Variants in OPRD1 observed in about 807,000 individuals in gnomAD.
OPRD1 encodes opioid receptor delta 1.
In OPRD1, 19 loss-of-function variants were observed where a neutral mutation model predicts 17.5. The observed-to-expected ratio is 1.09, with a 90% CI of 0.76 to 1.60. OPRD1 has a LOEUF of 1.60. OPRD1 is among the 40% of genes most tolerant of loss of function. The pLI is 0.00. For synonymous variants in OPRD1, 256 were observed against 240.9 expected, an observed-to-expected ratio of 1.06 and a Z score of -0.58; for missense variants, 483 against 547.2, an observed-to-expected ratio of 0.88 and a Z score of 1.17.
Position 28,852,744 on chromosome 1 carries a change from T to G in OPRD1, c.228-6210T>G, listed in dbSNP as rs1297737126. Among the ~76,000 whole-genome samples the G allele has an allele frequency of 4.0e-5, 6 of 151,854 alleles. No individual in the cohort carries two copies. In the East Asian group the frequency reaches 1.2e-3, roughly 29 times the overall value. ...TTTATTTTTTATTTTTGAGATGGAG[T>G]TTTGCTTTTATTGCCCAGGCTGGAG... On this transcript the variant is annotated intron_variant, in intron 1 of 2. Transcript: ENST00000234961.
rs1569661714 is a variant in OPRD1 at position 28,863,371 on chromosome 1, T to A, written c.*88T>A. ...GGGAGGCGCGAGCCATGATGTGGAG[T>A]GGGGCAGTAGAAGGTCGGAGGCTTG... On this transcript the variant is annotated 3_prime_UTR_variant, in exon 3 of 3. Transcript: ENST00000234961. The A allele has an allele frequency of 7.4e-7, 1 of 1,347,598 alleles. No homozygotes were observed. The highest frequency in any genetic ancestry group is 9.6e-7 in the Non-Finnish European group (1 of 1,043,160). 83.5% of individuals were successfully genotyped at this position (1,347,598 alleles called of 1,614,324 possible). A position where few individuals can be genotyped will look rare whatever the true frequency, so the allele number is the denominator to read the frequency against.
intron 1 of OPRD1, among the ~76,000 whole-genome samples, chr1:28,857,878 T>C (rs2089071403): frequency 6.6e-6 from 1 of 151,646 alleles, no homozygotes; most frequent in African/African-American, 2.4e-5. Flanking sequence ...CTGCAACCTC[T>C]GCCTCCCGGG....
At chr1:28,818,707 G>A (rs2088689660) in intron 1 of OPRD1, among the ~76,000 whole-genome samples, 2 of 152,118 alleles carry the variant, frequency 1.3e-5, no homozygotes, top group East Asian at 1.9e-4. Context: ...GGCTGGGCTC[G>A]GGAGCCACCC....
chr1:28,821,147 G>T (rs2088709786), intron 1 of OPRD1, among the ~76,000 whole-genome samples: 1 of 151,702 alleles, frequency 6.6e-6, no homozygotes, highest in Admixed American at 6.6e-5. Flanking sequence ...TTGTCATCCA[G>T]GCTGGAGCAC....
At chr1:28,848,416 C>G (rs2088971134) in intron 1 of OPRD1, among the ~76,000 whole-genome samples, 1 of 152,160 alleles carries the variant, frequency 6.6e-6, no homozygotes, top group Non-Finnish European at 1.5e-5. Flanking sequence ...AGCCTGTCAC[C>G]CCCACTAGGC....
intron 1 of OPRD1, among the ~76,000 whole-genome samples, chr1:28,829,217 C>T (rs1219622117): frequency 6.6e-6 from 1 of 152,144 alleles, no homozygotes; most frequent in African/African-American, 2.4e-5. Flanking sequence ...CTACAGTTTC[C>T]TCACCTCTTT....
chr1:28,840,938 A>T (rs1210937203), intron 1 of OPRD1, among the ~76,000 whole-genome samples: 1 of 152,230 alleles, frequency 6.6e-6, no homozygotes, highest in Non-Finnish European at 1.5e-5. Context: ...TAAAAAATAA[A>T]AATGAATAAA....
chr1:28,817,149 G>A (rs2088677520), intron 1 of OPRD1, among the ~76,000 whole-genome samples: 1 of 152,182 alleles, frequency 6.6e-6, no homozygotes, highest in Non-Finnish European at 1.5e-5. Flanking sequence ...CTCAGCCCAT[G>A]TCTCTTCTGA....
intron 1 of OPRD1, among the ~76,000 whole-genome samples, chr1:28,846,822 TTTCTTTCTTTCTTTCTTTCTTTC>T (rs1170222362): frequency 1.5e-4 from 11 of 73,884 alleles, no homozygotes; most frequent in East Asian, 1.8e-3. Context: ...CTGTTTGCAT[TTTCTTTCTTTCTTTCTTTCTTTC>T]TTTTCTTTCT....
intron 1 of OPRD1, among the ~76,000 whole-genome samples, chr1:28,836,987 CT>C (rs1268868833): frequency 6.6e-6 from 1 of 152,138 alleles, no homozygotes; most frequent in Non-Finnish European, 1.5e-5. Flanking sequence ...TTATTGTGCA[CT>C]TTATTTCTAT....
chr1:28,821,959 T>TC (rs944794101), intron 1 of OPRD1, among the ~76,000 whole-genome samples: 1 of 151,542 alleles, frequency 6.6e-6, no homozygotes, highest in African/African-American at 2.4e-5. Flanking sequence ...TTTCTTTCTT[T>TC]TTTTTTTTTG....
chr1:28,824,570 G>A (rs1404998249), intron 1 of OPRD1, among the ~76,000 whole-genome samples: 43 of 151,128 alleles, frequency 2.8e-4, no homozygotes, highest in African/African-American at 9.7e-4. Flanking sequence ...CGCCCGCCTC[G>A]GCCTCCCAAA....
In OPRD1 at chr1:28,852,844, G is replaced by A. The variant is rs529440322; in HGVS notation, c.228-6110G>A. 1.7e-4 allele frequency among the ~76,000 whole-genome samples: 26 copies of A among 151,904 alleles called. No individual in the cohort carries two copies. In the South Asian group the frequency reaches 5.2e-3, roughly 30 times the overall value. ...AGCAATTCTCCTGCCTTGGCCTCCC[G>A]AGTTGCTGAGACTACAGGTGCCCGC... On this transcript the variant is annotated intron_variant, in intron 1 of 2. Transcript: ENST00000234961.
At position 28,865,606 on chromosome 1, in the gene OPRD1, C is replaced by T. The variant is rs2089169279; in HGVS notation, c.*2323C>T. On this transcript the variant is annotated 3_prime_UTR_variant, in exon 3 of 3. Transcript: ENST00000234961. ...GTGCCTCCTTTGGGAAATGGCTACC[C>T]CGGGTCCTGGAAAGATGTGGGGCCA... The T allele has an allele frequency of 1.3e-5, 2 of 152,184 alleles. No individual in the cohort carries two copies. Among genetic ancestry groups the T allele is most frequent in the Admixed American group, 1.3e-4 (2 of 15,284 alleles). 9.4% of individuals were successfully genotyped at this position (152,184 alleles called of 1,614,324 possible).
intron 1 of OPRD1, among the ~76,000 whole-genome samples, chr1:28,852,718 T>A (rs932195998): frequency 1.3e-5 from 2 of 151,702 alleles, no homozygotes; most frequent in African/African-American, 4.9e-5. Context: ...TTTATTTATT[T>A]TTTATTTTTT....
Position 28,849,965 on chromosome 1 carries a change from C to T in OPRD1, c.228-8989C>T, listed in dbSNP as rs1028931412. Among the ~76,000 whole-genome samples, 12 of 150,952 alleles carry T rather than the reference C, an allele frequency of 7.9e-5. No homozygotes were observed. The South Asian group carries it at 1.9e-3, about 24-fold the overall frequency. Reference sequence around the variant, plus strand: ...CGCGATCTCGGCTCACTGCAAGCTCCGCCTCCCAGGTTCACGCCATTCTCC... The same window carrying T: ...CGCGATCTCGGCTCACTGCAAGCTCTGCCTCCCAGGTTCACGCCATTCTCC... On this transcript the variant is annotated intron_variant, in intron 1 of 2. Transcript: ENST00000234961.
intron 1 of OPRD1, among the ~76,000 whole-genome samples, chr1:28,852,648 T>A (rs763458347): frequency 8.5e-5 from 13 of 152,166 alleles, no homozygotes; most frequent in African/African-American, 2.4e-5. Context: ...GCCATTGCAC[T>A]CCAGCCTGGA....
chr1:28,854,155 G>GGAACTGA (rs2089033836), intron 1 of OPRD1, among the ~76,000 whole-genome samples: 1 of 152,176 alleles, frequency 6.6e-6, no homozygotes, highest in African/African-American at 2.4e-5. Context: ...GAACATGTGA[G>GGAACTGA]GAACTACAGA....
chr1:28,841,535 A>T (rs1299799332), intron 1 of OPRD1, among the ~76,000 whole-genome samples: 2 of 152,150 alleles, frequency 1.3e-5, no homozygotes, highest in African/African-American at 4.8e-5. Context: ...GCTGAGATGA[A>T]ATCCTGCATT....
Sources: allele counts gnomAD v4.1 joint callset (sites outside exome capture counted in the v4.1 genomes callset), GRCh38; gene constraint gnomAD v4.1.1; transcripts MANE v1.5; gene names NCBI Gene and HGNC (gene_info 2026-07-23, HGNC 2026-07-21).